The following HELZ variants were observed in gnomAD, a reference collection of about 807,000 sequenced individuals.
The protein encoded by HELZ is ATP-dependent RNA helicase with zinc finger domain.
Under a neutral mutation model 218.2 loss-of-function variants are expected in HELZ, and 23 were observed. That is an observed-to-expected ratio of 0.11 (90% CI 0.08 to 0.15). The LOEUF (loss-of-function observed/expected upper bound fraction) is 0.15, where lower values mean the gene tolerates loss of function less well. Among genes scored for constraint, HELZ ranks in the 10% least tolerant of loss-of-function variants. HELZ has a pLI of 1.00. For synonymous variants in HELZ, 814 were observed against 829.4 expected, an observed-to-expected ratio of 0.98 and a Z score of 0.32; for missense variants, 1,813 against 2,353.7, an observed-to-expected ratio of 0.77 and a Z score of 4.75.
chr17:67,178,806 A>G lies in HELZ; in HGVS notation c.1283T>C (p.Leu428Pro). Residue 428 changes from leucine to proline, a missense_variant, in exon 13 of 33, where the codon CTT (leucine) becomes CCT (proline). Coordinates refer to ENST00000358691, the MANE Select transcript of HELZ (RefSeq NM_014877.4). ...GAGGGGAATTTGGTATCTGATAAGAAGGCTCTTCTCCAAATCAGTAGTTTC... is the reference window on the plus strand; with the variant it reads ...GAGGGGAATTTGGTATCTGATAAGAGGGCTCTTCTCCAAATCAGTAGTTTC... ...PNETTDLEKS[L>P]LIRYQIPLSA... is the part of the protein sequence containing the mutation. 1 of 1,613,952 alleles carries G rather than the reference A, an allele frequency of 6.2e-7. No homozygotes were observed. Among genetic ancestry groups the G allele is most frequent in the Non-Finnish European group, 8.5e-7 (1 of 1,179,874 alleles).
chr17:67,219,736 A>C (rs1167200212), intron 3 of HELZ, among the ~76,000 whole-genome samples: 1 of 152,240 alleles, frequency 6.6e-6, no homozygotes, highest in Non-Finnish European at 1.5e-5. Context: ...GAATCTATCA[A>C]ACATAAGTCC....
At chr17:67,109,726 T>G (rs1202091942) in intron 28 of HELZ, 40 bp from the exon 29 acceptor site, 1 of 1,467,862 alleles carries the variant, frequency 6.8e-7, no homozygotes, top group Non-Finnish European at 9.4e-7. Flanking sequence ...TGCAGAAGAT[T>G]CAAATTCAGT....
chr17:67,173,682 T>C (rs528887894), intron 13 of HELZ, among the ~76,000 whole-genome samples: 1 of 152,200 alleles, frequency 6.6e-6, no homozygotes, highest in Non-Finnish European at 1.5e-5. Context: ...GTGTCACCAA[T>C]AGAAGCAGCA....
intron 17 of HELZ, among the ~76,000 whole-genome samples, chr17:67,152,579 C>T (rs1232825013): frequency 2.6e-5 from 4 of 151,806 alleles, no homozygotes; most frequent in Non-Finnish European, 4.4e-5. Context: ...AAAAGAGGAA[C>T]GGATTTGGGG....
In HELZ at chr17:67,135,245, T is replaced by C. The variant is rs192343132; in HGVS notation, c.3182+725A>G. Among the ~76,000 whole-genome samples, 369 of 152,276 alleles carry C rather than the reference T, an allele frequency of 2.4e-3. 3 individuals carry two copies. Among genetic ancestry groups the C allele is most frequent in the Non-Finnish European group, 5.9e-4 (40 of 68,014 alleles). ...GTTAAGATCTTCTGGATTAACCAGA[T>C]ACAAAGAATTATCTACATTGAGAAG... On this transcript the variant is annotated intron_variant, in intron 23 of 32. Coordinates refer to ENST00000358691, the MANE Select transcript of HELZ (RefSeq NM_014877.4).
At chr17:67,090,864 G>C (rs1441060571) in intron 31 of HELZ, among the ~76,000 whole-genome samples, 2 of 150,734 alleles carry the variant, frequency 1.3e-5, no homozygotes, top group Non-Finnish European at 2.9e-5. Flanking sequence ...TTTCTGTTTT[G>C]AATTGTATTG....
chr17:67,110,566 C>T (rs1306639317), intron 28 of HELZ, among the ~76,000 whole-genome samples: 1 of 152,150 alleles, frequency 6.6e-6, no homozygotes, highest in African/African-American at 2.4e-5. Context: ...AAACAATACA[C>T]TGTGCCTGGT....
intron 31 of HELZ, among the ~76,000 whole-genome samples, chr17:67,105,216 T>C (rs2143722381): frequency 6.6e-6 from 1 of 152,256 alleles, no homozygotes; most frequent in Non-Finnish European, 1.5e-5. Flanking sequence ...AGCGAGTATA[T>C]AGAGAAATTG....
chr17:67,116,484 T>TACAC lies in HELZ; in HGVS notation c.3839-2085_3839-2082dup, dbSNP rs144779116. ...ATAGATTAAAAGTAAAAGGTAAAAA[T>TACAC]ACACACACACACACACACACACACA... On this transcript the variant is annotated intron_variant, in intron 27 of 32. Transcript: ENST00000358691. Among the ~76,000 whole-genome samples, 456 of 147,818 alleles carry TACAC rather than the reference T, an allele frequency of 3.1e-3. 2 individuals carry two copies. The highest frequency in any genetic ancestry group is 0.01 in the Middle Eastern group (3 of 288).
chr17:67,245,690 C>A (rs1345561663), upstream of HELZ: 1 of 193,928 alleles, frequency 5.2e-6, no homozygotes, highest in Admixed American at 6.5e-5. Context: ...GGAGAGGTGC[C>A]TCTGCCCTGG....
At chr17:67,214,589 C>A (rs2040546372) in intron 5 of HELZ, among the ~76,000 whole-genome samples, 1 of 150,108 alleles carries the variant, frequency 6.7e-6, no homozygotes, top group Admixed American at 6.7e-5. Context: ...AATGTTAACA[C>A]AAAGGAGTAA....
rs138202905 is a variant in HELZ, at chr17:67,186,326, C to T, written c.1162+1993G>A. ...TTCAGGTTGTCACAATGATCTATGA[C>T]AGGTATTACTAGCCCCATTTTACAG... On this transcript the variant is annotated intron_variant, in intron 12 of 32. Coordinates refer to ENST00000358691, the MANE Select transcript of HELZ (RefSeq NM_014877.4). Among the ~76,000 whole-genome samples the T allele has an allele frequency of 7.5e-4, 114 of 152,198 alleles. 1 individual carries two copies. Among genetic ancestry groups the T allele is most frequent in the African/African-American group, 2.7e-3 (112 of 41,500 alleles).
intron 5 of HELZ, 25 bp from the exon 6 acceptor site, chr17:67,203,468 T>G: frequency 1.2e-6 from 2 of 1,611,810 alleles, no homozygotes; most frequent in African/African-American, 2.7e-5. Flanking sequence ...CAGCCATCAT[T>G]AACCATATGA....
chr17:67,211,840 G>A (rs927885960), intron 5 of HELZ, among the ~76,000 whole-genome samples: 1 of 151,978 alleles, frequency 6.6e-6, no homozygotes, highest in Non-Finnish European at 1.5e-5. Context: ...CAGCCTGAGC[G>A]ACAGAACAAA....
intron 23 of HELZ, among the ~76,000 whole-genome samples, chr17:67,135,382 G>C (rs138076804): frequency 2.5e-4 from 38 of 152,232 alleles, no homozygotes; most frequent in African/African-American, 9.1e-4. Context: ...ACAAACACAT[G>C]CATGAAACCA....
chr17:67,186,793 A>G (rs1159563572), intron 12 of HELZ, among the ~76,000 whole-genome samples: 1 of 152,184 alleles, frequency 6.6e-6, no homozygotes, highest in Admixed American at 6.5e-5. Context: ...CTTTACAGTT[A>G]TATTTGAGAG....
chr17:67,152,064 G>C (rs1001843251), intron 17 of HELZ, among the ~76,000 whole-genome samples: 24 of 152,212 alleles, frequency 1.6e-4, no homozygotes, highest in Non-Finnish European at 1.9e-4. Flanking sequence ...TTTTGTTAAA[G>C]GACTATTCTG....
chr17:67,096,998 T>C (rs2036768264), intron 31 of HELZ, among the ~76,000 whole-genome samples: 1 of 152,188 alleles, frequency 6.6e-6, no homozygotes, highest in African/African-American at 2.4e-5. Context: ...GTTTTTGATT[T>C]AAAGTGAGAG....
chr17:67,137,596 T>C (rs7222777), intron 22 of HELZ, among the ~76,000 whole-genome samples: 5,878 of 152,234 alleles, frequency 0.039, 383 homozygotes, highest in African/African-American at 0.13. Flanking sequence ...TACATAAAAA[T>C]CTTTATGAAG....
Sources: gnomAD v4.1 joint callset for allele counts (sites outside exome capture counted in the v4.1 genomes callset) on GRCh38, gnomAD v4.1.1 for gene constraint, MANE v1.5 for transcripts, NCBI Gene and HGNC (gene_info 2026-07-23, HGNC 2026-07-21) for gene names.